The following NOS1 variants were observed in gnomAD, a reference collection of about 807,000 sequenced individuals.
NOS1 encodes the protein NOS type I.
NOS1 carries 51 observed loss-of-function variants against 164.5 expected under a neutral mutation model. The ratio of observed to expected loss-of-function variants is 0.31; its 90% CI spans 0.25 to 0.39. The LOEUF (loss-of-function observed/expected upper bound fraction) is 0.39, where lower values mean the gene tolerates loss of function less well. Ranked by LOEUF, NOS1 falls within the 10% of genes least tolerant of loss-of-function variation. The pLI is 1.00. For missense variants in NOS1, 1,362 were observed against 1,885.6 expected, an observed-to-expected ratio of 0.72 and a Z score of 5.14; for synonymous variants, 719 against 745.8, an observed-to-expected ratio of 0.96 and a Z score of 0.59.
At position 117,254,803 on chromosome 12, in the gene NOS1, T is replaced by C. The variant is rs546470424; in HGVS notation, c.2532-1049A>G. The stretch of plus-strand genomic sequence containing the variant: ...GCTGCTATAGTGGACAGCACAGATA[T>C]AGAACATTTACATCTCTCTAGAAAG... On this transcript the variant is annotated intron_variant, in intron 16 of 28. Coordinates refer to ENST00000317775, the MANE Select transcript of NOS1 (RefSeq NM_000620.5). Among the ~76,000 whole-genome samples, 16 of 152,310 alleles carry C rather than the reference T, an allele frequency of 1.1e-4. No individual in the cohort carries two copies. The East Asian group carries it at 2.9e-3, about 28-fold the overall frequency.
chr12:117,259,885 C>T (rs949947900), intron 14 of NOS1, among the ~76,000 whole-genome samples: 4 of 151,732 alleles, frequency 2.6e-5, no homozygotes, highest in East Asian at 1.9e-4. Context: ...TTTGGGAGGC[C>T]GAGGCGGGCG....
chr12:117,340,767 C>T (rs186015248), intron 1 of NOS1, among the ~76,000 whole-genome samples: 173 of 150,656 alleles, frequency 1.1e-3, no homozygotes, highest in African/African-American at 3.9e-3. Context: ...CTCTGTTGCC[C>T]AGGCTGAGTG....
Position 117,253,640 on chromosome 12 carries a change from C to T in NOS1, c.2646G>A (p.Val882=), listed in dbSNP as rs758975168. 1.2e-6 allele frequency: 2 copies of T among 1,610,706 alleles called. No homozygotes were observed. Among genetic ancestry groups the T allele is most frequent in the African/African-American group, 1.3e-5 (1 of 74,904 alleles). The change falls in exon 17 of 29, where the codon GTG becomes GTA. Residue 882 remains valine, a splice_region_variant and synonymous_variant. Coordinates refer to ENST00000317775, the MANE Select transcript of NOS1 (RefSeq NM_000620.5). Reference sequence around the variant, plus strand: ...GACCCCCTTATCCCCTTGCTCACCTCACATTGGCCAGGGGTCCAGCACTCT... The same window carrying T: ...GACCCCCTTATCCCCTTGCTCACCTTACATTGGCCAGGGGTCCAGCACTCT... ...NFESAGPLAN[V]RFSVFGLGSR... is the part of the protein sequence containing the mutation.
chr12:117,355,431 G>A (rs539000539), intron 1 of NOS1, among the ~76,000 whole-genome samples: 2 of 152,324 alleles, frequency 1.3e-5, no homozygotes, highest in Admixed American at 1.3e-4. Flanking sequence ...GTCTTTGTGG[G>A]AAGTGCGTCC....
intron 13 of NOS1, among the ~76,000 whole-genome samples, chr12:117,263,407 G>A (rs1387565293): frequency 3.3e-5 from 5 of 151,890 alleles, no homozygotes; most frequent in African/African-American, 1.2e-4. Context: ...TGAGGCAGGA[G>A]GATCGCTTGA....
In NOS1 at chr12:117,211,899, T is replaced by A; in HGVS notation, c.*3410A>T. On this transcript the variant is annotated 3_prime_UTR_variant, in exon 29 of 29. Coordinates refer to ENST00000317775, the MANE Select transcript of NOS1 (RefSeq NM_000620.5). Reference sequence around the variant, plus strand: ...GGCCAACATGGTGAAACCCTGACTCTACTAAAAATACAAAACTTAGCTGGG... The same window carrying A: ...GGCCAACATGGTGAAACCCTGACTCAACTAAAAATACAAAACTTAGCTGGG... 1 of 777,242 alleles carries A rather than the reference T, an allele frequency of 1.3e-6. No homozygotes were observed. The highest frequency in any genetic ancestry group is 1.6e-6 in the Non-Finnish European group (1 of 640,448). The allele number at this position is 777,242 out of a possible 1,614,324, so 48.1% of individuals were successfully genotyped here.
At position 117,234,450 on chromosome 12, in the gene NOS1, C is replaced by G; in HGVS notation, c.3235+115G>C. The G allele has an allele frequency of 9.1e-7, 1 of 1,097,572 alleles. No individual in the cohort carries two copies. Among genetic ancestry groups the G allele is most frequent in the South Asian group, 1.6e-5 (1 of 62,904 alleles). The allele number at this position is 1,097,572 out of a possible 1,614,324, so 68.0% of individuals were successfully genotyped here. ...CTTTAGTCTCATAGGCTGTTAGCAA[C>G]AGACACCCACTCTCCTGCCTGGACT... On this transcript the variant is annotated intron_variant, in intron 21 of 28. Transcript: ENST00000317775. The surrounding 1 kb of genome is among the most constrained non-coding windows in gnomAD (Gnocchi z 4.3).
intron 13 of NOS1, among the ~76,000 whole-genome samples, chr12:117,263,130 C>T (rs1566046370): frequency 6.6e-6 from 1 of 151,420 alleles, no homozygotes; most frequent in African/African-American, 2.4e-5. Context: ...GTCTAGCTTG[C>T]CATGATCCCC....
intron 17 of NOS1, among the ~76,000 whole-genome samples, chr12:117,252,925 T>A (rs2135967947): frequency 6.6e-6 from 1 of 152,332 alleles, no homozygotes; most frequent in East Asian, 1.9e-4. Context: ...TTGATCAATA[T>A]CCACGAAACC....
intron 7 of NOS1, among the ~76,000 whole-genome samples, chr12:117,281,339 G>A (rs1461217901): frequency 1.3e-5 from 2 of 151,566 alleles, no homozygotes; most frequent in African/African-American, 4.9e-5. Context: ...GGCCAACACA[G>A]TGAAACCCCG....
chr12:117,224,127 A>G (rs1025155737), intron 25 of NOS1, among the ~76,000 whole-genome samples: 1 of 152,192 alleles, frequency 6.6e-6, no homozygotes, highest in Non-Finnish European at 1.5e-5. Flanking sequence ...GTTTTTACTG[A>G]CTGATTGATT....
intron 3 of NOS1, among the ~76,000 whole-genome samples, chr12:117,300,735 T>C (rs1873763246): frequency 1.3e-5 from 2 of 152,172 alleles, no homozygotes; most frequent in Non-Finnish European, 2.9e-5. Flanking sequence ...AGGCAAGGGA[T>C]ACCTGACCTA....
rs1428959122 is a variant in NOS1 at position 117,338,230 on chromosome 12, A to AAAAC, written c.-420-6742_-420-6741insGTTT. Among the ~76,000 whole-genome samples the AAAAC allele has an allele frequency of 1.6e-3, 249 of 151,454 alleles. 1 individual carries two copies. The highest frequency in any genetic ancestry group is 4.5e-3 in the East Asian group (23 of 5,130). Reference sequence around the variant, plus strand: ...AGACTCTGTCTCAAACAAAACAAAAAAAAACAAAACAAAACAAAATAAAAA... The same window carrying AAAAC: ...AGACTCTGTCTCAAACAAAACAAAAAAAACAAAACAAAACAAAACAAAATAAAAA... On this transcript the variant is annotated intron_variant, in intron 1 of 28. Coordinates refer to ENST00000317775, the MANE Select transcript of NOS1 (RefSeq NM_000620.5).
At chr12:117,286,821 C>T (rs1375868784) in intron 5 of NOS1, among the ~76,000 whole-genome samples, 1 of 152,202 alleles carries the variant, frequency 6.6e-6, no homozygotes, top group African/African-American at 2.4e-5. Flanking sequence ...CTATCTTGAA[C>T]CTGGCATTTA....
chr12:117,208,778 A>G lies in NOS1; in HGVS notation c.*6531T>C. On this transcript the variant is annotated 3_prime_UTR_variant, in exon 29 of 29. Transcript: ENST00000317775. ...TCATTCTGTCAACAAGCTGGAGTGC[A>G]GTGGTGCCATCTCGGCTCACTGCAG... 3.1e-6 allele frequency: 3 copies of G among 973,576 alleles called. No individual in the cohort carries two copies. The highest frequency in any genetic ancestry group is 3.7e-6 in the Non-Finnish European group (3 of 820,472). 60.3% of individuals were successfully genotyped at this position (973,576 alleles called of 1,614,324 possible). A position where few individuals can be genotyped will look rare whatever the true frequency, so the allele number is the denominator to read the frequency against.
chr12:117,328,733 C>G (rs1007284730), intron 2 of NOS1, among the ~76,000 whole-genome samples: 2 of 152,172 alleles, frequency 1.3e-5, no homozygotes, highest in East Asian at 3.8e-4. Flanking sequence ...CCCAGCTAAT[C>G]CCTTTCCTGC....
chr12:117,225,566 T>C (rs1329846317), intron 24 of NOS1, among the ~76,000 whole-genome samples: 2 of 152,120 alleles, frequency 1.3e-5, no homozygotes, highest in African/African-American at 4.8e-5. Context: ...CAAATGTCCC[T>C]GGGTGGCAGG....
chr12:117,329,220 A>C (rs1291820944), intron 2 of NOS1, among the ~76,000 whole-genome samples: 3 of 152,116 alleles, frequency 2.0e-5, no homozygotes, highest in African/African-American at 7.2e-5. Context: ...TGTTGATTTC[A>C]TTCATTGCTC....
chr12:117,264,064 G>A, intron 12 of NOS1, 90 bp from the exon 13 acceptor site: 1 of 828,370 alleles, frequency 1.2e-6, no homozygotes, highest in East Asian at 4.1e-5. Flanking sequence ...TGGGACTTGT[G>A]ACTGCCTGAC....
Sources: gnomAD v4.1 joint callset for allele counts (sites outside exome capture counted in the v4.1 genomes callset) on GRCh38, gnomAD v4.1.1 for gene constraint, Gnocchi (gnomAD v3.1) non-coding constraint, MANE v1.5 for transcripts, NCBI Gene and HGNC (gene_info 2026-07-23, HGNC 2026-07-21) for gene names.